Variants in ITGA9 observed in about 807,000 individuals in gnomAD.
ITGA9 encodes the protein integrin subunit alpha 9.
Under a neutral mutation model 127.8 loss-of-function variants are expected in ITGA9, and 56 were observed. The ratio of observed to expected loss-of-function variants is 0.44; its 90% CI spans 0.35 to 0.55. The LOEUF (loss-of-function observed/expected upper bound fraction) is 0.55. Among genes scored for constraint, ITGA9 ranks in the 20% least tolerant of loss-of-function variants. The pLI, the probability that ITGA9 is intolerant of heterozygous loss-of-function variation, is 0.00. For missense variants in ITGA9, 1,196 were observed against 1,347.1 expected (o/e 0.89, Z 1.76); for synonymous variants, 508 against 514.5 (o/e 0.99, Z 0.17).
intron 5 of ITGA9, 45 bp downstream of exon 5, chr3:37,494,613 C>T: frequency 6.6e-7 from 1 of 1,514,006 alleles, no homozygotes; most frequent in African/African-American, 1.4e-5. Flanking sequence ...TGTGGGTGTT[C>T]ATTTCCTTGC....
chr3:37,514,455 G>A (rs1579078466), intron 9 of ITGA9, among the ~76,000 whole-genome samples: 1 of 152,226 alleles, frequency 6.6e-6, no homozygotes, highest in Non-Finnish European at 1.5e-5. Context: ...CAGGCAGGGT[G>A]GGCTGGAGCA....
chr3:37,546,683 A>G (rs1225493625), intron 15 of ITGA9, among the ~76,000 whole-genome samples: 1 of 152,108 alleles, frequency 6.6e-6, no homozygotes, highest in Non-Finnish European at 1.5e-5. Context: ...TGTTGGAGTG[A>G]CTAATTGGGT....
At chr3:37,736,113 G>A (rs1696358266) in intron 19 of ITGA9, among the ~76,000 whole-genome samples, 1 of 152,128 alleles carries the variant, frequency 6.6e-6, no homozygotes, top group African/African-American at 2.4e-5. Flanking sequence ...CTTCTTCTGA[G>A]TGCACTAATT....
chr3:37,558,805 C>T lies in ITGA9; in HGVS notation c.1689+16220C>T, dbSNP rs1021856798. On this transcript the variant is annotated intron_variant, in intron 15 of 27. Coordinates refer to ENST00000264741, the MANE Select transcript of ITGA9 (RefSeq NM_002207.3). ...GACTCCTGGCTCTGCCTGTGTGAAA[C>T]GTACTCCATTTCCAGAGCCAGCTGC... 6.6e-5 allele frequency among the ~76,000 whole-genome samples: 10 copies of T among 152,154 alleles called. 1 individual carries two copies. The Middle Eastern group carries it at 9.5e-3, about 144-fold the overall frequency.
intron 17 of ITGA9, among the ~76,000 whole-genome samples, chr3:37,666,994 C>T (rs1700592405): frequency 6.6e-6 from 1 of 152,178 alleles, no homozygotes; most frequent in Admixed American, 6.5e-5. Flanking sequence ...GCACTTGCAT[C>T]CTTGTCTAGC....
chr3:37,522,029 C>T (rs1699049140), intron 11 of ITGA9, among the ~76,000 whole-genome samples: 1 of 152,020 alleles, frequency 6.6e-6, no homozygotes, highest in African/African-American at 2.4e-5. Context: ...GGGCATCTCT[C>T]GTGCCTCCAT....
chr3:37,644,986 G>A (rs1201935395), intron 16 of ITGA9, among the ~76,000 whole-genome samples: 4 of 152,150 alleles, frequency 2.6e-5, no homozygotes, highest in Non-Finnish European at 5.9e-5. Flanking sequence ...CTTATAACGT[G>A]CCACATGAAG....
At chr3:37,547,370 G>A (rs1456280205) in intron 15 of ITGA9, among the ~76,000 whole-genome samples, 1 of 152,160 alleles carries the variant, frequency 6.6e-6, no homozygotes, top group East Asian at 1.9e-4. Context: ...GCCTGGCGAA[G>A]GGTGGGACAT....
At chr3:37,727,354 A>T (rs1250639438) in intron 18 of ITGA9, among the ~76,000 whole-genome samples, 4 of 152,242 alleles carry the variant, frequency 2.6e-5, no homozygotes, top group African/African-American at 9.6e-5. Flanking sequence ...TCTTTGCCAG[A>T]CAAGGAAAAG....
intron 14 of ITGA9, among the ~76,000 whole-genome samples, chr3:37,540,071 G>A (rs1699250309): frequency 6.6e-6 from 1 of 152,212 alleles, no homozygotes; most frequent in Non-Finnish European, 1.5e-5. Flanking sequence ...GAGGATATGG[G>A]TGGGGGAGCA....
chr3:37,496,080 G>C (rs1000570739), intron 5 of ITGA9, among the ~76,000 whole-genome samples: 6 of 152,106 alleles, frequency 3.9e-5, no homozygotes, highest in Non-Finnish European at 7.4e-5. Flanking sequence ...CCAAAGTGAG[G>C]GCCCCTCCTG....
At chr3:37,496,368 T>C (rs897827092) in intron 5 of ITGA9, among the ~76,000 whole-genome samples, 16 of 152,098 alleles carry the variant, frequency 1.1e-4, no homozygotes, top group Non-Finnish European at 1.6e-4. Flanking sequence ...ATCCTAACCA[T>C]TGAGGCCGAA....
chr3:37,555,368 G>C (rs1699420694), intron 15 of ITGA9, among the ~76,000 whole-genome samples: 1 of 149,802 alleles, frequency 6.7e-6, no homozygotes. Flanking sequence ...TGTCCAATAT[G>C]GTGGCCAGTG....
intron 18 of ITGA9, among the ~76,000 whole-genome samples, chr3:37,684,649 G>T: frequency 6.6e-6 from 1 of 151,984 alleles, no homozygotes; most frequent in Non-Finnish European, 1.5e-5. Flanking sequence ...TGTATTTTTT[G>T]GTAGAGACAG....
chr3:37,474,541 G>A (rs964728125), intron 3 of ITGA9, among the ~76,000 whole-genome samples: 1 of 139,138 alleles, frequency 7.2e-6, no homozygotes. Context: ...ACAGCCCGAT[G>A]GGTTTTCACG....
At chr3:37,553,306 G>T (rs557185828) in intron 15 of ITGA9, among the ~76,000 whole-genome samples, 2 of 152,278 alleles carry the variant, frequency 1.3e-5, no homozygotes, top group South Asian at 4.1e-4. Flanking sequence ...TAGCTTATCT[G>T]CAGAACTCAC....
intron 4 of ITGA9, among the ~76,000 whole-genome samples, chr3:37,491,122 G>A (rs999054361): frequency 1.1e-4 from 16 of 151,970 alleles, no homozygotes; most frequent in African/African-American, 3.9e-4. Flanking sequence ...GACTACAGGT[G>A]TGCACCACCG....
intron 6 of ITGA9, 113 bp from the exon 7 acceptor site, chr3:37,505,887 T>TA (rs1320203902): frequency 1.2e-6 from 1 of 806,518 alleles, no homozygotes; most frequent in East Asian, 2.7e-5. Flanking sequence ...TCCTGGTAGT[T>TA]TATGTTCCAA....
chr3:37,492,178 C>T (rs769332385), intron 4 of ITGA9, among the ~76,000 whole-genome samples: 9 of 151,994 alleles, frequency 5.9e-5, no homozygotes, highest in Non-Finnish European at 1.2e-4. Context: ...ACATGGCCTG[C>T]TCTCTGATCT....
Sources: gnomAD v4.1 joint callset for allele counts (sites outside exome capture counted in the v4.1 genomes callset) on GRCh38, gnomAD v4.1.1 for gene constraint, MANE v1.5 for transcripts, NCBI Gene and HGNC (gene_info 2026-07-23, HGNC 2026-07-21) for gene names.